The following SLC44A5 variants were observed in gnomAD, a reference collection of about 807,000 sequenced individuals.
SLC44A5 encodes the protein choline transporter-like protein 5.
A neutral mutation model predicts 101.8 loss-of-function variants in SLC44A5; 57 were observed. The ratio of observed to expected loss-of-function variants is 0.56; its 90% CI spans 0.45 to 0.70. SLC44A5 has a LOEUF of 0.70. Ranked by LOEUF, SLC44A5 falls within the 30% of genes least tolerant of loss-of-function variation. The pLI is 0.00. For missense variants in SLC44A5, 737 were observed against 853.1 expected (o/e 0.86, Z 1.70); for synonymous variants, 281 against 290.9 (o/e 0.97, Z 0.35).
At chr1:75,610,931 G>A in intron 1 of SLC44A5, 109 bp downstream of exon 1, 1 of 233,254 alleles carries the variant, frequency 4.3e-6, no homozygotes, top group Non-Finnish European at 7.0e-6. Context: ...ATATATATGT[G>A]TGTGTGTGTG....
the SLC44A5 span, among the ~76,000 whole-genome samples, chr1:75,619,865 G>A: frequency 1.3e-5 from 2 of 152,090 alleles, no homozygotes; most frequent in African/African-American, 4.8e-5. Context: ...TAAGTTCTGG[G>A]ATACATGTGC....
chr1:75,723,857 T>C, the SLC44A5 span: 1 of 152,166 alleles, frequency 6.6e-6, no homozygotes, highest in East Asian at 1.9e-4. Context: ...TATAGAATTT[T>C]AACAGCTAAA....
chr1:75,296,136 T>C lies in SLC44A5; in HGVS notation c.175+4476A>G, dbSNP rs532003730. ...CTGTCTCCAGTCTCCAGTCAAGCCA[T>C]GATGCCATTCCTTTAATCCTTTGTA... On this transcript the variant is annotated intron_variant, in intron 5 of 23. Transcript: ENST00000370859. 6.8e-4 allele frequency among the ~76,000 whole-genome samples: 104 copies of C among 152,300 alleles called. 1 individual carries two copies. Among genetic ancestry groups the C allele is most frequent in the African/African-American group, 2.5e-3 (102 of 41,570 alleles).
In SLC44A5 at chr1:75,592,827, C is replaced by T. The variant is rs375146322; in HGVS notation, c.-70+18213G>A. On this transcript the variant is annotated intron_variant, in intron 1 of 23. Coordinates refer to ENST00000370859, the MANE Select transcript of SLC44A5 (RefSeq NM_001130058.2). Reference sequence around the variant, plus strand: ...ATGAAATTAGACCCCTGTCTCTCACCATACACACAAATCAAATCAAAATGG... The same window carrying T: ...ATGAAATTAGACCCCTGTCTCTCACTATACACACAAATCAAATCAAAATGG... 5.5e-4 allele frequency among the ~76,000 whole-genome samples: 83 copies of T among 152,138 alleles called. 1 individual carries two copies. The highest frequency in any genetic ancestry group is 1.5e-3 in the Admixed American group (23 of 15,266).
intron 13 of SLC44A5, among the ~76,000 whole-genome samples, chr1:75,226,706 C>T (rs1271668471): frequency 6.6e-6 from 1 of 151,902 alleles, no homozygotes; most frequent in Non-Finnish European, 1.5e-5. Flanking sequence ...GGCTCTCTAA[C>T]TTCAAGAATA....
chr1:75,480,753 A>G (rs182857637), intron 2 of SLC44A5, among the ~76,000 whole-genome samples: 122 of 152,276 alleles, frequency 8.0e-4, no homozygotes, highest in African/African-American at 2.7e-3. Context: ...GAAATAAAAG[A>G]GGATACAAAC....
chr1:75,571,572 T>C (rs1451319272), intron 1 of SLC44A5, among the ~76,000 whole-genome samples: 2 of 152,170 alleles, frequency 1.3e-5, no homozygotes, highest in African/African-American at 4.8e-5. Context: ...AAACATGAGA[T>C]ATTCAATACT....
intron 2 of SLC44A5, among the ~76,000 whole-genome samples, chr1:75,396,900 A>G (rs1662161918): frequency 6.6e-6 from 1 of 152,190 alleles, no homozygotes; most frequent in Non-Finnish European, 1.5e-5. Flanking sequence ...ATTTGCATCT[A>G]TGACTTGTAT....
At chr1:75,252,263 G>A (rs1462309306) in intron 6 of SLC44A5, among the ~76,000 whole-genome samples, 2 of 152,120 alleles carry the variant, frequency 1.3e-5, no homozygotes, top group African/African-American at 4.8e-5. Flanking sequence ...TTAACTCTTT[G>A]TCAACTCCCC....
the SLC44A5 span, among the ~76,000 whole-genome samples, chr1:75,723,161 G>C: frequency 6.6e-6 from 1 of 152,212 alleles, no homozygotes; most frequent in Non-Finnish European, 1.5e-5. Flanking sequence ...CACGGTAGTA[G>C]GGTGCACGTG....
intron 7 of SLC44A5, among the ~76,000 whole-genome samples, chr1:75,243,936 G>A (rs1648883527): frequency 6.6e-6 from 1 of 151,930 alleles, no homozygotes; most frequent in Non-Finnish European, 1.5e-5. Flanking sequence ...TCAAGAGTTG[G>A]TTGTTAGAAA....
chr1:75,336,811 C>T (rs1271531984), intron 4 of SLC44A5, among the ~76,000 whole-genome samples: 1 of 152,126 alleles, frequency 6.6e-6, no homozygotes, highest in Admixed American at 6.5e-5. Context: ...CAGTGTCATG[C>T]CCCCTGTAGA....
chr1:75,255,481 G>T (rs1041134912), intron 6 of SLC44A5, among the ~76,000 whole-genome samples: 5 of 150,968 alleles, frequency 3.3e-5, no homozygotes, highest in African/African-American at 1.2e-4. Context: ...AAAAAATTAA[G>T]AAATTCTAAA....
intron 5 of SLC44A5, among the ~76,000 whole-genome samples, chr1:75,284,571 A>C (rs559987237): frequency 6.6e-6 from 1 of 152,060 alleles, no homozygotes; most frequent in Non-Finnish European, 1.5e-5. Flanking sequence ...GAAAGCAAGC[A>C]TCCTTGTCTT....
intron 2 of SLC44A5, among the ~76,000 whole-genome samples, chr1:75,425,553 C>T (rs139615422): frequency 2.3e-4 from 34 of 150,936 alleles, no homozygotes; most frequent in African/African-American, 8.2e-4. Flanking sequence ...CTTGAGAACC[C>T]AAAGGCTGTC....
chr1:75,493,229 A>C (rs971421402), intron 2 of SLC44A5, among the ~76,000 whole-genome samples: 1 of 152,164 alleles, frequency 6.6e-6, no homozygotes, highest in Admixed American at 6.6e-5. Flanking sequence ...CCTGAAACTA[A>C]AAGAACAATG....
At chr1:75,398,681 T>C (rs1662281559) in intron 2 of SLC44A5, among the ~76,000 whole-genome samples, 1 of 152,184 alleles carries the variant, frequency 6.6e-6, no homozygotes, top group South Asian at 2.1e-4. Flanking sequence ...TTTTGACTCC[T>C]CTTTCTCAAT....
the SLC44A5 span, among the ~76,000 whole-genome samples, chr1:75,664,972 G>A: frequency 2.7e-5 from 4 of 150,068 alleles, 1 homozygote; most frequent in African/African-American, 9.7e-5. Flanking sequence ...ACAGAAAAAT[G>A]GAAAAACATT....
the SLC44A5 span, among the ~76,000 whole-genome samples, chr1:75,626,508 G>A: frequency 2.0e-5 from 3 of 152,098 alleles, no homozygotes; most frequent in East Asian, 1.9e-4. Context: ...TGCTCTTGCC[G>A]TTGTTCTCTA....
Sources: allele counts gnomAD v4.1 joint callset (sites outside exome capture counted in the v4.1 genomes callset), GRCh38; gene constraint gnomAD v4.1.1; transcripts MANE v1.5; gene names NCBI Gene and HGNC (gene_info 2026-07-23, HGNC 2026-07-21).